EIF3K: variants seen among roughly 807,000 people sequenced by gnomAD.
The protein encoded by EIF3K is eukaryotic translation initiation factor 3 subunit K, also known as eIF-3 p28.
Under a neutral mutation model 34.2 loss-of-function variants are expected in EIF3K, and 27 were observed. That is an observed-to-expected ratio of 0.79 (90% CI 0.58 to 1.09). The LOEUF (loss-of-function observed/expected upper bound fraction) is 1.09, where lower values mean the gene tolerates loss of function less well. Ranked by LOEUF, EIF3K falls within the 50% of genes least tolerant of loss-of-function variation. The pLI is 0.00. For synonymous variants in EIF3K, 105 were observed against 105.7 expected (o/e 0.99, Z 0.04); for missense variants, 232 against 275.4 (o/e 0.84, Z 1.11).
chr19:38,625,990 C>G, intron 3 of EIF3K, 38 bp from the exon 4 acceptor site: 1 of 1,605,916 alleles, frequency 6.2e-7, no homozygotes, highest in South Asian at 1.1e-5. Context: ...CAACCTTACG[C>G]TCCGAGGCCA....
intron 3 of EIF3K, 105 bp downstream of exon 3, chr19:38,624,302 T>G: frequency 6.5e-7 from 1 of 1,528,882 alleles, no homozygotes; most frequent in Non-Finnish European, 8.8e-7. Context: ...AAACAACAAG[T>G]GCCTGCTCTG....
At chr19:38,630,318 A>G (rs548470211) in intron 4 of EIF3K, among the ~76,000 whole-genome samples, 1 of 146,102 alleles carries the variant, frequency 6.8e-6, no homozygotes, top group Non-Finnish European at 1.5e-5. Context: ...CCACCACCAC[A>G]CCCGGTTTAA....
At chr19:38,630,421 T>A (rs2144776336) in intron 4 of EIF3K, among the ~76,000 whole-genome samples, 1 of 150,928 alleles carries the variant, frequency 6.6e-6, no homozygotes, top group Non-Finnish European at 1.5e-5. Flanking sequence ...CTCAGCTCAC[T>A]GCAACCTCTG....
intron 7 of EIF3K, 40 bp from the exon 8 acceptor site, chr19:38,636,849 C>G: frequency 6.2e-7 from 1 of 1,613,574 alleles, no homozygotes. Flanking sequence ...GTTTGTCTCC[C>G]GCCCTTCTCA....
intron 2 of EIF3K, among the ~76,000 whole-genome samples, chr19:38,620,656 G>A (rs1599728678): frequency 2.0e-5 from 3 of 152,322 alleles, no homozygotes; most frequent in African/African-American, 4.8e-5. Context: ...CACTTTGGGA[G>A]GATGAGGCAG....
chr19:38,634,930 T>G, intron 6 of EIF3K, 63 bp from the exon 7 acceptor site: 2 of 1,607,794 alleles, frequency 1.2e-6, no homozygotes, highest in Non-Finnish European at 1.7e-6. Flanking sequence ...CTGTTGCCTC[T>G]CAGTCCCCTG....
rs143069816 is a variant in EIF3K, at chr19:38,624,096, T to C, written c.178T>C (p.Phe60Leu). ...VLKLYQFNPA[F>L]FQTTVTAQIL... ...TCTTAGGTACCAGTTCAACCCAGCC[T>C]TCTTTCAGACCACGGTCACCGCCCA... The change falls in exon 3 of 8, where the codon TTC becomes CTC. Residue 60 changes from phenylalanine to leucine, a missense_variant. Coordinates refer to ENST00000248342, the MANE Select transcript of EIF3K (RefSeq NM_013234.4). 1.9e-5 allele frequency: 30 copies of C among 1,614,138 alleles called. No homozygotes were observed. The African/African-American group carries it at 3.7e-4, about 20-fold the overall frequency.
chr19:38,630,133 G>A (rs967606531), intron 4 of EIF3K, among the ~76,000 whole-genome samples: 1 of 150,362 alleles, frequency 6.7e-6, no homozygotes, highest in African/African-American at 2.4e-5. Context: ...AGCATGTGGG[G>A]TCAGTGCTCA....
At chr19:38,635,205 A>G in intron 7 of EIF3K, 87 bp downstream of exon 7, 1 of 1,579,110 alleles carries the variant, frequency 6.3e-7, no homozygotes, top group South Asian at 1.1e-5. Context: ...GGACCTGGGT[A>G]GATCTGCTCG....
chr19:38,628,051 T>C lies in EIF3K; in HGVS notation c.354+1949T>C, dbSNP rs552121156. On this transcript the variant is annotated intron_variant, in intron 4 of 7. Transcript: ENST00000248342. Reference sequence around the variant, plus strand: ...TCCCAGGTAGCTGGGACTACAGGCATGCACCACCCCGCCGGCTAATTTTTG... The same window carrying C: ...TCCCAGGTAGCTGGGACTACAGGCACGCACCACCCCGCCGGCTAATTTTTG... Among the ~76,000 whole-genome samples, 5 of 152,124 alleles carry C rather than the reference T, an allele frequency of 3.3e-5. No individual in the cohort carries two copies. The South Asian group carries it at 1.0e-3, about 32-fold the overall frequency.
At chr19:38,629,584 A>G (rs959323138) in intron 4 of EIF3K, among the ~76,000 whole-genome samples, 21 of 152,192 alleles carry the variant, frequency 1.4e-4, no homozygotes, top group African/African-American at 4.8e-4. Flanking sequence ...TTGAGCCACC[A>G]CGCCCGGCCA....
chr19:38,634,292 G>A (rs1457711828), intron 6 of EIF3K, among the ~76,000 whole-genome samples: 3 of 132,254 alleles, frequency 2.3e-5, no homozygotes, highest in Admixed American at 1.6e-4. Flanking sequence ...TTTTAGCAGA[G>A]ATGGGGTTTC....
At chr19:38,636,054 C>T (rs187353930) in intron 7 of EIF3K, among the ~76,000 whole-genome samples, 6 of 152,352 alleles carry the variant, frequency 3.9e-5, no homozygotes, top group African/African-American at 1.4e-4. Context: ...ACTTGCAGCC[C>T]GTGGTATCTC....
At position 38,619,208 on chromosome 19, in the gene EIF3K, G is replaced by A. The variant is rs1975777390; in HGVS notation, c.-61G>A. ...ACCACCTCTTCCTGTTCCCGTCCTT[G>A]AGGACGCCGTGCCGGGTCAGTGTTA... On this transcript the variant is annotated 5_prime_UTR_variant, in exon 1 of 8. Coordinates refer to ENST00000248342, the MANE Select transcript of EIF3K (RefSeq NM_013234.4). The A allele has an allele frequency of 1.3e-6, 2 of 1,585,888 alleles. No individual in the cohort carries two copies. Among genetic ancestry groups the A allele is most frequent in the African/African-American group, 1.3e-5 (1 of 74,332 alleles).
intron 4 of EIF3K, 92 bp from the exon 5 acceptor site, chr19:38,632,338 C>G: frequency 8.0e-7 from 1 of 1,244,528 alleles, no homozygotes; most frequent in Non-Finnish European, 1.1e-6. Context: ...CCAGCCTGGG[C>G]AACGTAGTGA....
intron 3 of EIF3K, among the ~76,000 whole-genome samples, chr19:38,625,151 T>G (rs949439686): frequency 2.0e-5 from 3 of 151,814 alleles, no homozygotes; most frequent in African/African-American, 7.3e-5. Flanking sequence ...TTTTTTGTTG[T>G]TGTTTTATTT....
In EIF3K at chr19:38,625,993, C is replaced by T. The variant is rs373770163; in HGVS notation, c.280-35C>T. ...TGATCTGGGGTCCAACCTTACGCTC[C>T]GAGGCCAGTTTTCCTTAATGCTTCC... is the stretch of plus-strand genomic sequence containing the variant. On this transcript the variant is annotated intron_variant, in intron 3 of 7. Coordinates refer to ENST00000248342, the MANE Select transcript of EIF3K (RefSeq NM_013234.4). 26 of 1,609,044 alleles carry T rather than the reference C, an allele frequency of 1.6e-5. No homozygotes were observed. The African/African-American group carries it at 2.1e-4, about 13-fold the overall frequency.
At chr19:38,619,836 C>T (rs896966439) in intron 1 of EIF3K, among the ~76,000 whole-genome samples, 2 of 152,330 alleles carry the variant, frequency 1.3e-5, no homozygotes, top group South Asian at 2.1e-4. Flanking sequence ...CATGCCTTCA[C>T]GGTCTGAGTT....
intron 4 of EIF3K, among the ~76,000 whole-genome samples, chr19:38,629,647 G>A (rs752250810): frequency 6.6e-6 from 1 of 152,144 alleles, no homozygotes; most frequent in Non-Finnish European, 1.5e-5. Flanking sequence ...GCATCCATGT[G>A]GGGGATTCCC....
Sources: allele counts gnomAD v4.1 joint callset (sites outside exome capture counted in the v4.1 genomes callset), GRCh38; gene constraint gnomAD v4.1.1; transcripts MANE v1.5; gene names NCBI Gene and HGNC (gene_info 2026-07-23, HGNC 2026-07-21).